The following PCDH15 variants were observed in gnomAD, a reference collection of about 807,000 sequenced individuals.
PCDH15 encodes protocadherin-15.
In PCDH15, 129 loss-of-function variants were observed where a neutral mutation model predicts 178.5. The observed-to-expected ratio is 0.72, with a 90% CI of 0.63 to 0.84. PCDH15 has a LOEUF of 0.84. PCDH15 is among the 40% of genes least tolerant of loss of function. The pLI is 0.00. For missense variants in PCDH15, 2,230 were observed against 2,099.9 expected, an observed-to-expected ratio of 1.06 and a Z score of -1.21; for synonymous variants, 800 against 732.0, an observed-to-expected ratio of 1.09 and a Z score of -1.50.
chr10:54,819,133 T>G (rs2133738216), intron 3 of PCDH15, among the ~76,000 whole-genome samples: 1 of 152,102 alleles, frequency 6.6e-6, no homozygotes, highest in Non-Finnish European at 1.5e-5. Flanking sequence ...GATAATTATG[T>G]GCCTACAGTT....
At chr10:54,694,846 C>T (rs2095193164) in intron 1 of PCDH15, among the ~76,000 whole-genome samples, 1 of 152,024 alleles carries the variant, frequency 6.6e-6, no homozygotes, top group African/African-American at 2.4e-5. Context: ...AAGGAGGAGT[C>T]CCAGGCCTCT....
intron 1 of PCDH15, among the ~76,000 whole-genome samples, chr10:54,774,007 C>CCTTTTT (rs1949395698): frequency 1.3e-5 from 1 of 75,378 alleles, no homozygotes; most frequent in Non-Finnish European, 2.5e-5. Context: ...ACTTCATAGG[C>CCTTTTT]TTTTTTTTTT....
chr10:55,084,450 G>C (rs1293546901), intron 2 of PCDH15, among the ~76,000 whole-genome samples: 3 of 129,850 alleles, frequency 2.3e-5, no homozygotes, highest in Admixed American at 1.8e-4. Context: ...TTAAATCTAA[G>C]ACCTCAAGCT....
intron 3 of PCDH15, among the ~76,000 whole-genome samples, chr10:54,876,737 G>A (rs1954151448): frequency 6.6e-6 from 1 of 152,138 alleles, no homozygotes; most frequent in Non-Finnish European, 1.5e-5. Context: ...AACAGATGAC[G>A]AGTTGCTTCT....
intron 2 of PCDH15, among the ~76,000 whole-genome samples, chr10:55,392,926 A>T (rs1179144051): frequency 2.6e-5 from 4 of 151,364 alleles, no homozygotes; most frequent in African/African-American, 7.3e-5. Flanking sequence ...TATTTTTCTT[A>T]TTTTTGAGAA....
intron 2 of PCDH15, among the ~76,000 whole-genome samples, chr10:55,127,576 T>C (rs1837933817): frequency 6.6e-6 from 1 of 152,124 alleles, no homozygotes; most frequent in Non-Finnish European, 1.5e-5. Flanking sequence ...GAAAAGACTA[T>C]TCTTTCTCAT....
At chr10:54,891,407 C>T (rs187467474) in intron 3 of PCDH15, among the ~76,000 whole-genome samples, 12 of 152,164 alleles carry the variant, frequency 7.9e-5, no homozygotes, top group African/African-American at 2.6e-4. Flanking sequence ...TCAGATCTAG[C>T]GATCTCTCCT....
chr10:53,946,603 G>C (rs2086596188), intron 23 of PCDH15, among the ~76,000 whole-genome samples: 3 of 152,002 alleles, frequency 2.0e-5, no homozygotes, highest in Non-Finnish European at 4.4e-5. Flanking sequence ...ACAATGTATT[G>C]GATGTATCAC....
chr10:54,941,388 T>A (rs568877179), intron 2 of PCDH15, among the ~76,000 whole-genome samples: 1 of 152,218 alleles, frequency 6.6e-6, no homozygotes, highest in Non-Finnish European at 1.5e-5. Flanking sequence ...AGAGAACATT[T>A]CGTTTCAACA....
intron 3 of PCDH15, among the ~76,000 whole-genome samples, chr10:54,498,992 C>T (rs536800615): frequency 3.9e-5 from 6 of 152,196 alleles, no homozygotes; most frequent in Non-Finnish European, 7.4e-5. Flanking sequence ...AACTTACTCA[C>T]TATCACTAGA....
intron 8 of PCDH15, among the ~76,000 whole-genome samples, chr10:54,284,733 A>T (rs2058927512): frequency 6.6e-6 from 1 of 152,234 alleles, no homozygotes; most frequent in African/African-American, 2.4e-5. Flanking sequence ...TATGCCATGC[A>T]TAGCAACCGC....
intron 2 of PCDH15, among the ~76,000 whole-genome samples, chr10:55,472,495 T>C (rs1022381183): frequency 2.1e-4 from 28 of 132,972 alleles, no homozygotes; most frequent in Admixed American, 1.7e-4. Context: ...TTTGAATGGC[T>C]ACCAGAATCC....
At chr10:53,818,236 G>A (rs962350845) in intron 33 of PCDH15, 14 of 355,556 alleles carry the variant, frequency 3.9e-5, no homozygotes, top group African/African-American at 1.9e-4. Flanking sequence ...CCAGAGCCTC[G>A]TTCCATATGA....
At chr10:54,187,016 C>T (rs1453206275) in intron 11 of PCDH15, among the ~76,000 whole-genome samples, 2 of 151,856 alleles carry the variant, frequency 1.3e-5, no homozygotes, top group East Asian at 1.9e-4. Context: ...GAATGTCTGC[C>T]ATTTGTTTTG....
chr10:54,834,380 C>T (rs992716390), intron 3 of PCDH15, among the ~76,000 whole-genome samples: 2 of 151,566 alleles, frequency 1.3e-5, no homozygotes, highest in Non-Finnish European at 2.9e-5. Context: ...GGTTTTGCCA[C>T]GTTGGTCAGG....
At chr10:54,779,488 G>GTATATATATACACACATGTGTGTA (rs1950117470) in intron 1 of PCDH15, among the ~76,000 whole-genome samples, 3 of 53,290 alleles carry the variant, frequency 5.6e-5, no homozygotes, top group Admixed American at 1.9e-4. Flanking sequence ...ACATATATAT[G>GTATATATATACACACATGTGTGTA]TATATATATA....
intron 1 of PCDH15, among the ~76,000 whole-genome samples, chr10:54,714,723 T>G (rs2095459788): frequency 6.6e-6 from 1 of 152,140 alleles, no homozygotes; most frequent in African/African-American, 2.4e-5. Flanking sequence ...GATTTAACAT[T>G]CAAGACCATC....
At chr10:55,477,108 A>C (rs1840077809) in intron 2 of PCDH15, among the ~76,000 whole-genome samples, 2 of 152,100 alleles carry the variant, frequency 1.3e-5, no homozygotes, top group South Asian at 4.1e-4. Context: ...ATAGGAAATC[A>C]GACTTAGCTA....
In PCDH15 at chr10:54,236,717, T is replaced by C. The variant is rs941210628; in HGVS notation, c.985+106A>G. On this transcript the variant is annotated intron_variant, in intron 9 of 37. Coordinates refer to ENST00000644397, the MANE Select transcript of PCDH15 (RefSeq NM_001384140.1). The stretch of plus-strand genomic sequence containing the variant: ...TTTATACACAAAAGTAACAATCATG[T>C]CAAATAATAAACTTTGTTATTTAAA... The C allele has an allele frequency of 1.6e-5, 15 of 967,710 alleles. 1 individual carries two copies. The highest frequency in any genetic ancestry group is 1.1e-4 in the Admixed American group (6 of 54,352). 59.9% of individuals were successfully genotyped at this position (967,710 alleles called of 1,614,324 possible).
Sources: allele counts gnomAD v4.1 joint callset (sites outside exome capture counted in the v4.1 genomes callset), GRCh38; gene constraint gnomAD v4.1.1; transcripts MANE v1.5; gene names NCBI Gene and HGNC (gene_info 2026-07-23, HGNC 2026-07-21).